CFAP36: variants seen among roughly 807,000 people sequenced by gnomAD.
CFAP36 encodes cilia- and flagella-associated protein 36.
A neutral mutation model predicts 50.5 loss-of-function variants in CFAP36; 37 were observed. The ratio of observed to expected loss-of-function variants is 0.73; its 90% CI spans 0.56 to 0.96. The LOEUF is 0.96. Ranked by LOEUF, CFAP36 falls within the 50% of genes least tolerant of loss-of-function variation. The pLI is 0.00. For synonymous variants in CFAP36, 138 were observed against 128.2 expected, an observed-to-expected ratio of 1.08 and a Z score of -0.52; for missense variants, 407 against 396.2, an observed-to-expected ratio of 1.03 and a Z score of -0.23.
At chr2:55,537,345 T>A in intron 6 of CFAP36, 138 bp from the exon 7 acceptor site, 1 of 565,430 alleles carries the variant, frequency 1.8e-6, no homozygotes, top group Non-Finnish European at 3.1e-6. Flanking sequence ...CACTCCAGTC[T>A]GGGTGACAGA....
rs780991734 is a variant in CFAP36 at position 55,544,405 on chromosome 2, CTGG to C, written c.927+43_927+45del. On this transcript the variant is annotated intron_variant, in intron 9 of 9. Coordinates refer to ENST00000349456, the MANE Select transcript of CFAP36 (RefSeq NM_080667.7). ...CCTTAATATGTCAAGATTTACAAATCTGGTGGTGGAACTATCAAAATCAGAATA... is the reference window on the plus strand; with the variant it reads ...CCTTAATATGTCAAGATTTACAAATCTGGTGGAACTATCAAAATCAGAATA... 3.4e-5 allele frequency: 54 copies of C among 1,572,246 alleles called. 1 individual carries two copies. In the African/African-American group the frequency reaches 6.7e-4, roughly 20 times the overall value.
chr2:55,541,277 T>C (rs1313727776), intron 7 of CFAP36, among the ~76,000 whole-genome samples: 1 of 152,142 alleles, frequency 6.6e-6, no homozygotes, highest in Non-Finnish European at 1.5e-5. Flanking sequence ...TGAGCCAAGA[T>C]CGTGCCATTG....
At chr2:55,523,630 G>A (rs913727732) in intron 2 of CFAP36, 91 bp from the exon 3 acceptor site, 3 of 729,154 alleles carry the variant, frequency 4.1e-6, no homozygotes, top group East Asian at 2.8e-5. Flanking sequence ...CAAAAAATTC[G>A]ATGATACTTT....
intron 7 of CFAP36, among the ~76,000 whole-genome samples, 163 bp downstream of exon 7, chr2:55,537,748 A>G (rs1684530389): frequency 6.6e-6 from 1 of 152,256 alleles, no homozygotes; most frequent in East Asian, 1.9e-4. Context: ...AAGAGGTTGC[A>G]GACGAGATAC....
At chr2:55,540,601 G>C (rs1482081076) in intron 7 of CFAP36, among the ~76,000 whole-genome samples, 1 of 152,102 alleles carries the variant, frequency 6.6e-6, no homozygotes, top group Non-Finnish European at 1.5e-5. Flanking sequence ...ATAAATGTTA[G>C]AATCTGTTTG....
intron 1 of CFAP36, chr2:55,520,531 C>A: frequency 1.4e-6 from 2 of 1,402,374 alleles, no homozygotes; most frequent in Non-Finnish European, 1.9e-6. Context: ...GGGGCAGGAC[C>A]ATTCTTGGAA....
intron 5 of CFAP36, 58 bp downstream of exon 5, chr2:55,534,018 A>G (rs1332500509): frequency 4.9e-6 from 5 of 1,020,760 alleles, no homozygotes; most frequent in Non-Finnish European, 7.3e-6. Context: ...TGATCTGTAC[A>G]TATGCTTTTT....
In CFAP36 at chr2:55,519,819, A is replaced by C. The variant is rs34891804; in HGVS notation, c.18A>C (p.Glu6Asp). The C allele has an allele frequency of 1.3e-3, 2,053 of 1,614,256 alleles. 15 individuals are homozygous for C. The African/African-American group carries it at 0.021, about 16-fold the overall frequency. Residue 6 changes from glutamate (E) to aspartate (D), a missense_variant, in exon 1 of 10, where the codon GAA (glutamate) becomes GAC (aspartate). Glu to Asp is a conservative substitution (Grantham distance 45, BLOSUM62 2). Transcript: ENST00000349456. Reference sequence around the variant, plus strand: ...GGGGCGGGATGGCTGCGGAAGAAGAAGACGAGGTGGAGTGGGTAGTGGAGA... The same window carrying C: ...GGGGCGGGATGGCTGCGGAAGAAGACGACGAGGTGGAGTGGGTAGTGGAGA... MAAEEEDEVEWVVESI... is the reference protein window; with the variant it reads MAAEEDDEVEWVVESI...
At chr2:55,529,572 T>G (rs1684301318) in intron 4 of CFAP36, among the ~76,000 whole-genome samples, 1 of 152,178 alleles carries the variant, frequency 6.6e-6, no homozygotes, top group South Asian at 2.1e-4. Context: ...ATGGTCATAG[T>G]TGTGGTTACT....
intron 5 of CFAP36, among the ~76,000 whole-genome samples, chr2:55,534,429 T>C (rs1429495608): frequency 6.6e-6 from 1 of 152,234 alleles, no homozygotes; most frequent in Non-Finnish European, 1.5e-5. Context: ...GAGGCGTCTA[T>C]CCCAGATGAG....
At chr2:55,520,831 C>T (rs1288220156) in intron 1 of CFAP36, among the ~76,000 whole-genome samples, 2 of 152,154 alleles carry the variant, frequency 1.3e-5, no homozygotes, top group Non-Finnish European at 2.9e-5. Flanking sequence ...GTACAAGCTA[C>T]AGGGAAACAA....
At chr2:55,535,533 C>G (rs1684457892) in intron 5 of CFAP36, among the ~76,000 whole-genome samples, 179 bp from the exon 6 acceptor site, 1 of 152,116 alleles carries the variant, frequency 6.6e-6, no homozygotes, top group South Asian at 2.1e-4. Flanking sequence ...TGCTGTATGC[C>G]TATGTATGTC....
intron 3 of CFAP36, among the ~76,000 whole-genome samples, chr2:55,526,161 A>T (rs180868430): frequency 6.1e-4 from 93 of 152,298 alleles, no homozygotes; most frequent in African/African-American, 1.8e-3. Context: ...TATTTTTGTT[A>T]CTCTGCCTTG....
intron 6 of CFAP36, among the ~76,000 whole-genome samples, chr2:55,536,135 T>G (rs1412781797): frequency 2.8e-5 from 4 of 142,634 alleles, no homozygotes; most frequent in African/African-American, 7.6e-5. Context: ...CAGAACAACA[T>G]TTTTTTTTTT....
chr2:55,521,621 G>GTGTGTA (rs1216292419), intron 1 of CFAP36, among the ~76,000 whole-genome samples: 1 of 144,240 alleles, frequency 6.9e-6, no homozygotes, highest in South Asian at 2.2e-4. Flanking sequence ...GTGTGTGTGT[G>GTGTGTA]TATATTTTTT....
intron 9 of CFAP36, among the ~76,000 whole-genome samples, chr2:55,544,672 T>C (rs1684726089): frequency 6.6e-6 from 1 of 152,128 alleles, no homozygotes; most frequent in Admixed American, 6.6e-5. Context: ...TGTTTTATCA[T>C]AGAGCAGCAT....
At chr2:55,525,470 T>G (rs978347737) in intron 3 of CFAP36, among the ~76,000 whole-genome samples, 4 of 152,022 alleles carry the variant, frequency 2.6e-5, no homozygotes, top group Non-Finnish European at 5.9e-5. Flanking sequence ...AAACAAAACA[T>G]TGGCTTTGGC....
chr2:55,528,973 A>C lies in CFAP36; in HGVS notation c.378A>C (p.Arg126=). 6.2e-7 allele frequency: 1 copy of C among 1,607,384 alleles called. No individual in the cohort carries two copies. Among genetic ancestry groups the C allele is most frequent in the Non-Finnish European group, 8.5e-7 (1 of 1,176,948 alleles). The stretch of plus-strand genomic sequence containing the variant: ...TTGAAATGCAGCTGCAAGCCATTCG[A>C]ATAATTCAAGAGAGAAATGGTAAAA... ...KNIEMQLQAI[R]IIQERNGVLP... The change falls in exon 4 of 10, where the codon CGA becomes CGC. Residue 126 remains arginine, a synonymous_variant. Transcript: ENST00000349456.
At chr2:55,540,989 G>C (rs1231891125) in intron 7 of CFAP36, among the ~76,000 whole-genome samples, 1 of 151,776 alleles carries the variant, frequency 6.6e-6, no homozygotes, top group Non-Finnish European at 1.5e-5. Flanking sequence ...CTCCAGCCTA[G>C]GTGATAGAGT....
Sources: allele counts gnomAD v4.1 joint callset (sites outside exome capture counted in the v4.1 genomes callset), GRCh38; gene constraint gnomAD v4.1.1; transcripts MANE v1.5; gene names NCBI Gene and HGNC (gene_info 2026-07-23, HGNC 2026-07-21).